ALK: variants seen among roughly 807,000 people sequenced by gnomAD.
ALK encodes the protein ALK tyrosine kinase receptor.
A neutral mutation model predicts 163.1 loss-of-function variants in ALK; 74 were observed. The ratio of observed to expected loss-of-function variants is 0.45; its 90% confidence interval spans 0.38 to 0.55. The LOEUF is 0.55. Among genes scored for constraint, ALK ranks in the 20% least tolerant of loss-of-function variants. The pLI, the probability that ALK is intolerant of heterozygous loss-of-function variation, is 0.00. For synonymous variants in ALK, 960 were observed against 843.2 expected (o/e 1.14, Z -2.40); for missense variants, 2,063 against 2,105.3 (o/e 0.98, Z 0.39).
intron 4 of ALK, among the ~76,000 whole-genome samples, chr2:29,392,234 A>T (rs1386283631): frequency 6.6e-6 from 1 of 152,214 alleles, no homozygotes; most frequent in Non-Finnish European, 1.5e-5. Context: ...GAAACATATC[A>T]TCATCCTCAT....
At chr2:29,894,930 A>G (rs1667231834) in intron 1 of ALK, among the ~76,000 whole-genome samples, 1 of 152,030 alleles carries the variant, frequency 6.6e-6, no homozygotes. Context: ...CTATAGAGAG[A>G]TGTAGCATTT....
intron 18 of ALK, 23 bp from the exon 19 acceptor site, chr2:29,225,588 G>C (rs1573129144): frequency 6.3e-7 from 1 of 1,592,268 alleles, no homozygotes; most frequent in Non-Finnish European, 8.6e-7. Flanking sequence ...TCCCACTGGG[G>C]TATTGACAAC....
chr2:29,658,248 C>T (rs1437059705), intron 3 of ALK, among the ~76,000 whole-genome samples: 2 of 152,124 alleles, frequency 1.3e-5, no homozygotes, highest in African/African-American at 4.8e-5. Flanking sequence ...AGCACTATGT[C>T]AGCCTGCAGA....
intron 8 of ALK, among the ~76,000 whole-genome samples, chr2:29,302,539 A>C (rs906289602): frequency 1.3e-5 from 2 of 152,152 alleles, no homozygotes; most frequent in Non-Finnish European, 2.9e-5. Context: ...AAAAAGAATT[A>C]ACCTTCTTTC....
rs148668727 is a variant in ALK at position 29,340,888 on chromosome 2, C to T, written c.1283-12407G>A. On this transcript the variant is annotated intron_variant, in intron 5 of 28. Coordinates refer to ENST00000389048, the MANE Select transcript of ALK (RefSeq NM_004304.5). Reference sequence around the variant, plus strand: ...ATCACAGATACATCGTCTCTCCTTTCCTTGCTACCTGTATAACTGAGCAAT... The same window carrying T: ...ATCACAGATACATCGTCTCTCCTTTTCTTGCTACCTGTATAACTGAGCAAT... Among the ~76,000 whole-genome samples, 69 of 152,246 alleles carry T rather than the reference C, an allele frequency of 4.5e-4. No homozygotes were observed. The East Asian group carries it at 0.011, about 25-fold the overall frequency.
rs764451897 is a variant in ALK, at chr2:29,519,407, A to T, written c.1154+12508T>A. ...GCTAGCTAGATTATGCCTTTAACCC[A>T]CAAACAGTCATGTAGGATTGTGAAA... On this transcript the variant is annotated intron_variant, in intron 4 of 28. Coordinates refer to ENST00000389048, the MANE Select transcript of ALK (RefSeq NM_004304.5). Among the ~76,000 whole-genome samples, 134 of 152,250 alleles carry T rather than the reference A, an allele frequency of 8.8e-4. 1 individual carries two copies. Among genetic ancestry groups the T allele is most frequent in the Admixed American group, 3.9e-4 (6 of 15,286 alleles).
intron 1 of ALK, among the ~76,000 whole-genome samples, chr2:29,833,225 A>C (rs1413339086): frequency 2.6e-5 from 4 of 152,182 alleles, no homozygotes; most frequent in African/African-American, 9.7e-5. Context: ...AAGAACGATG[A>C]AAAGGCATCC....
At chr2:29,422,454 G>GGTGCA (rs1429877250) in intron 4 of ALK, among the ~76,000 whole-genome samples, 1 of 147,102 alleles carries the variant, frequency 6.8e-6, no homozygotes, top group African/African-American at 2.7e-5. Context: ...TTATTAGGTT[G>GGTGCA]GTGCAAAATA....
intron 5 of ALK, among the ~76,000 whole-genome samples, chr2:29,366,688 A>T (rs1668516245): frequency 6.6e-6 from 1 of 152,186 alleles, no homozygotes; most frequent in Admixed American, 6.5e-5. Flanking sequence ...TACTAGGATG[A>T]TACAGAAGCC....
intron 4 of ALK, among the ~76,000 whole-genome samples, chr2:29,529,603 G>A (rs1673061841): frequency 6.6e-6 from 1 of 152,218 alleles, no homozygotes; most frequent in African/African-American, 2.4e-5. Flanking sequence ...GTTTTGATTT[G>A]CTGGGCAAAT....
chr2:29,760,146 T>C (rs1296910120), intron 1 of ALK, among the ~76,000 whole-genome samples: 2 of 152,136 alleles, frequency 1.3e-5, no homozygotes, highest in African/African-American at 4.8e-5. Context: ...GGCAACATTT[T>C]TGTCTAGCCA....
chr2:29,231,329 C>T (rs1472659599), intron 15 of ALK, among the ~76,000 whole-genome samples: 1 of 152,224 alleles, frequency 6.6e-6, no homozygotes, highest in East Asian at 1.9e-4. Flanking sequence ...GAGCGAGACT[C>T]CGTCTCAAAA....
chr2:29,217,285 C>T, intron 23 of ALK, among the ~76,000 whole-genome samples: 1 of 140,522 alleles, frequency 7.1e-6, no homozygotes, highest in African/African-American at 2.7e-5. Context: ...TGGTGCATGT[C>T]TGTGGTGTGT....
intron 18 of ALK, 30 bp downstream of exon 18, chr2:29,226,892 C>A (rs1238227165): frequency 6.2e-7 from 1 of 1,613,518 alleles, no homozygotes; most frequent in Admixed American, 1.7e-5. Flanking sequence ...GCTATGGGCC[C>A]CTCTGCCTCC....
intron 13 of ALK, among the ~76,000 whole-genome samples, chr2:29,238,036 T>G (rs916234248): frequency 6.6e-6 from 1 of 152,050 alleles, no homozygotes; most frequent in Non-Finnish European, 1.5e-5. Flanking sequence ...TGTGCACATG[T>G]GCTGTGTTTG....
intron 3 of ALK, among the ~76,000 whole-genome samples, chr2:29,595,365 G>C (rs182854087): frequency 6.9e-6 from 1 of 145,088 alleles, no homozygotes; most frequent in Non-Finnish European, 1.5e-5. Context: ...CTGTCACCCA[G>C]GCTGGGGTCC....
chr2:29,916,657 A>T (rs1293586158), intron 1 of ALK, among the ~76,000 whole-genome samples: 1 of 152,196 alleles, frequency 6.6e-6, no homozygotes, highest in African/African-American at 2.4e-5. Flanking sequence ...TCCATAGTAC[A>T]TGTAAAATCC....
intron 4 of ALK, among the ~76,000 whole-genome samples, chr2:29,463,757 G>A (rs1035550462): frequency 1.4e-4 from 22 of 152,302 alleles, no homozygotes; most frequent in Non-Finnish European, 2.1e-4. Flanking sequence ...CTGTAAAGGC[G>A]TCCCCTTGAG....
chr2:29,297,170 T>C (rs1666212901), intron 8 of ALK, 113 bp from the exon 9 acceptor site: 2 of 1,255,858 alleles, frequency 1.6e-6, no homozygotes, highest in African/African-American at 2.9e-5. Context: ...GAGTTCAGCC[T>C]GGTGAGAAGA....
Sources: allele counts gnomAD v4.1 joint callset (sites outside exome capture counted in the v4.1 genomes callset), GRCh38; gene constraint gnomAD v4.1.1; transcripts MANE v1.5; gene names NCBI Gene and HGNC (gene_info 2026-07-23, HGNC 2026-07-21).